The following ZNF160 variants were observed in gnomAD, a reference collection of about 807,000 sequenced individuals.
ZNF160 encodes zinc finger protein 160, also known as KRAB zinc finger protein KR18.
Under a neutral mutation model 13.1 loss-of-function variants are expected in ZNF160, and 9 were observed. That is an observed-to-expected ratio of 0.69 (90% confidence interval 0.41 to 1.20). The LOEUF is 1.20. Ranked by LOEUF, ZNF160 falls within the 50% of genes most tolerant of loss-of-function variation. ZNF160 has a pLI of 0.01. For missense variants in ZNF160, 838 were observed against 988.0 expected, an observed-to-expected ratio of 0.85 and a Z score of 2.04; for synonymous variants, 293 against 333.2, an observed-to-expected ratio of 0.88 and a Z score of 1.31.
chr19:53,086,491 G>A (rs1037567333), intron 2 of ZNF160, among the ~76,000 whole-genome samples, 170 bp from the exon 3 acceptor site: 1 of 152,144 alleles, frequency 6.6e-6, no homozygotes, highest in Non-Finnish European at 1.5e-5. Flanking sequence ...ATACGGGGAC[G>A]AGAAACTCCT....
rs560772646 is a variant in ZNF160, at chr19:53,103,391, A to G, written c.-480T>C. 2.6e-5 allele frequency: 4 copies of G among 152,264 alleles called. No homozygotes were observed. In the South Asian group the frequency reaches 8.3e-4, roughly 32 times the overall value. 9.4% of individuals were successfully genotyped at this position (152,264 alleles called of 1,614,324 possible). ...AGGAACACTCATACGCCATGGTGTG[A>G]TGCTTGCTCCGCACGATCCACTTCC... On this transcript the variant is annotated 5_prime_UTR_variant, in exon 1 of 6. Coordinates refer to ENST00000683776, the MANE Select transcript of ZNF160 (RefSeq NM_001322131.2).
intron 5 of ZNF160, among the ~76,000 whole-genome samples, chr19:53,071,672 TAAA>T (rs1219038604): frequency 7.0e-6 from 1 of 142,818 alleles, no homozygotes; most frequent in Non-Finnish European, 1.5e-5. Flanking sequence ...AATAAAAAAA[TAAA>T]AAAAAAATCG....
At chr19:53,085,724 A>C (rs1169442632) in intron 3 of ZNF160, 1 of 309,360 alleles carries the variant, frequency 3.2e-6, no homozygotes, top group African/African-American at 2.2e-5. Context: ...GAATGAAAGA[A>C]TCATCTATCT....
rs376060939 is a variant in ZNF160 at position 53,067,946 on chromosome 19, T to C, written c.*131A>G. 3.1e-6 allele frequency: 4 copies of C among 1,283,858 alleles called. No homozygotes were observed. The allele number at this position is 1,283,858 out of a possible 1,614,324, so 79.5% of individuals were successfully genotyped here. On this transcript the variant is annotated 3_prime_UTR_variant, in exon 6 of 6. Transcript: ENST00000683776. Reference sequence around the variant, plus strand: ...ATGTTTACATGATGTCTCTTGCTTATGGCCTCTCATATCTATTAATGCTTC... The same window carrying C: ...ATGTTTACATGATGTCTCTTGCTTACGGCCTCTCATATCTATTAATGCTTC...
chr19:53,083,837 G>A (rs1015186656), intron 3 of ZNF160, among the ~76,000 whole-genome samples: 1 of 152,198 alleles, frequency 6.6e-6, no homozygotes, highest in African/African-American at 2.4e-5. Flanking sequence ...GGCCAAGGAG[G>A]TCAAGGCTAC....
At chr19:53,087,040 G>A (rs904125518) in intron 2 of ZNF160, among the ~76,000 whole-genome samples, 2 of 152,234 alleles carry the variant, frequency 1.3e-5, no homozygotes, top group African/African-American at 4.8e-5. Context: ...GAGGCTGTGG[G>A]AGATCACAAA....
chr19:53,073,213 A>G, intron 5 of ZNF160: 8 of 1,429,572 alleles, frequency 5.6e-6, no homozygotes, highest in Non-Finnish European at 7.3e-6. Flanking sequence ...TGTAAGTGAC[A>G]ACATGCAGTA....
intron 5 of ZNF160, chr19:53,072,930 A>G (rs983591921): frequency 3.9e-6 from 3 of 778,506 alleles, no homozygotes; most frequent in Non-Finnish European, 3.1e-6. Context: ...AACCAACACA[A>G]TAAGAACTGG....
chr19:53,076,511 C>T (rs774384869), intron 3 of ZNF160, among the ~76,000 whole-genome samples: 10 of 152,054 alleles, frequency 6.6e-5, no homozygotes, highest in Non-Finnish European at 1.5e-4. Context: ...TGGTGGCAGG[C>T]GCCTGTAATC....
At chr19:53,073,412 G>A in intron 5 of ZNF160, 2 of 1,598,440 alleles carry the variant, frequency 1.3e-6, no homozygotes, top group East Asian at 2.2e-5. Flanking sequence ...AATGGCCGAG[G>A]GACCTCGACA....
At position 53,073,398 on chromosome 19, in the gene ZNF160, A is replaced by G. The variant is rs750893385; in HGVS notation, c.271+742T>C. 6 of 1,598,424 alleles carry G rather than the reference A, an allele frequency of 3.8e-6. No individual in the cohort carries two copies. The South Asian group carries it at 5.5e-5, about 15-fold the overall frequency. On this transcript the variant is annotated intron_variant, in intron 5 of 5. Coordinates refer to ENST00000683776, the MANE Select transcript of ZNF160 (RefSeq NM_001322131.2). ...CATGAAAGTGGCAAAAGCAGAATGG[A>G]AGAAATGGCCGAGGGACCTCGACAG...
intron 5 of ZNF160, among the ~76,000 whole-genome samples, chr19:53,070,596 A>G (rs979998209): frequency 1.4e-4 from 22 of 152,026 alleles, no homozygotes; most frequent in South Asian, 4.1e-4. Context: ...TTGTATTTTT[A>G]GTAGAGACGG....
chr19:53,073,025 T>C (rs1489542307), intron 5 of ZNF160: 2 of 562,906 alleles, frequency 3.6e-6, no homozygotes, highest in Admixed American at 5.2e-5. Flanking sequence ...GTTATAGGTA[T>C]ACAATATGGA....
chr19:53,081,057 T>C (rs549398441), intron 3 of ZNF160, among the ~76,000 whole-genome samples: 1 of 152,190 alleles, frequency 6.6e-6, no homozygotes, highest in African/African-American at 2.4e-5. Flanking sequence ...TCTCACCATA[T>C]AAAAAAATTA....
rs1175346694 is a variant in ZNF160, at chr19:53,074,275, A to G, written c.143-7T>C. The G allele has an allele frequency of 1.9e-6, 3 of 1,613,338 alleles. No individual in the cohort carries two copies. Among genetic ancestry groups the G allele is most frequent in the African/African-American group, 2.7e-5 (2 of 74,860 alleles). On this transcript the variant is annotated splice_polypyrimidine_tract_variant and splice_region_variant and intron_variant, in intron 4 of 5. Transcript: ENST00000683776. ...ATATCAAAATGACACAGTCCTGTTT[A>G]TAAAAAGAAAGGATCACAATGTGCC...
intron 1 of ZNF160, among the ~76,000 whole-genome samples, chr19:53,094,776 T>C (rs1232264055): frequency 2.6e-5 from 4 of 152,112 alleles, no homozygotes; most frequent in Non-Finnish European, 5.9e-5. Context: ...GCAGGAAGCA[T>C]CCCCGGCTAA....
intron 3 of ZNF160, among the ~76,000 whole-genome samples, chr19:53,079,273 G>A (rs777917645): frequency 6.6e-5 from 10 of 151,450 alleles, no homozygotes; most frequent in Non-Finnish European, 1.3e-4. Context: ...TCAACAATTC[G>A]GGCACGGTGG....
chr19:53,071,101 C>G (rs141550019), intron 5 of ZNF160, among the ~76,000 whole-genome samples: 5,690 of 152,156 alleles, frequency 0.037, 138 homozygotes, highest in Non-Finnish European at 0.057. Context: ...GAGGCTGAGG[C>G]AGGAGAATTG....
chr19:53,084,494 G>A (rs561815073), intron 3 of ZNF160, among the ~76,000 whole-genome samples: 2 of 152,266 alleles, frequency 1.3e-5, no homozygotes, highest in South Asian at 2.1e-4. Flanking sequence ...GCCGTGCTCC[G>A]GCCTCGCTCC....
Sources: allele counts gnomAD v4.1 joint callset (sites outside exome capture counted in the v4.1 genomes callset), GRCh38; gene constraint gnomAD v4.1.1; transcripts MANE v1.5; gene names NCBI Gene and HGNC (gene_info 2026-07-23, HGNC 2026-07-21).